The following MCC variants were observed in gnomAD, a reference collection of about 807,000 sequenced individuals.
The protein encoded by MCC is colorectal mutant cancer protein.
A neutral mutation model predicts 116.2 loss-of-function variants in MCC; 90 were observed. The ratio of observed to expected loss-of-function variants is 0.77; its 90% CI spans 0.65 to 0.92. MCC has a LOEUF of 0.92. Among genes scored for constraint, MCC ranks in the 40% least tolerant of loss-of-function variants. The pLI, the probability that MCC is intolerant of heterozygous loss-of-function variation, is 0.00. For synonymous variants in MCC, 578 were observed against 510.5 expected, an observed-to-expected ratio of 1.13 and a Z score of -1.78; for missense variants, 1,516 against 1,312.2, an observed-to-expected ratio of 1.16 and a Z score of -2.40.
At chr5:113,035,944 C>T (rs888844) in intron 17 of MCC, among the ~76,000 whole-genome samples, 106,943 of 150,480 alleles carry the variant, frequency 0.71, 38,145 homozygotes, top group East Asian at 0.79. Flanking sequence ...ATAAGGATAA[C>T]ATCATTTCAT....
chr5:113,299,628 T>TC (rs1766809039), intron 3 of MCC, among the ~76,000 whole-genome samples: 1 of 152,196 alleles, frequency 6.6e-6, no homozygotes, highest in African/African-American at 2.4e-5. Context: ...GTAAAAGGTT[T>TC]CACAATTAGA....
In MCC at chr5:113,070,803, A is replaced by C. The variant is rs1580984200; in HGVS notation, c.1925+291T>G. ...ACAATGTAAATTACATATGAACATGAATAAAGATCTGCAAGAAGAAATGAA... is the reference window on the plus strand; with the variant it reads ...ACAATGTAAATTACATATGAACATGCATAAAGATCTGCAAGAAGAAATGAA... On this transcript the variant is annotated intron_variant, in intron 12 of 18. Coordinates refer to ENST00000408903, the MANE Select transcript of MCC (RefSeq NM_001085377.2). 2.0e-5 allele frequency among the ~76,000 whole-genome samples: 3 copies of C among 152,394 alleles called. No individual in the cohort carries two copies. The South Asian group carries it at 6.2e-4, about 32-fold the overall frequency.
rs1434641528 is a variant in MCC, at chr5:113,488,358, G to T, written c.57C>A (p.Gly19=). Residue 19 remains glycine, a synonymous_variant, in exon 1 of 19, where the codon GGC becomes GGA. Transcript: ENST00000408903. ...AAGSSSSGGG[G]GGSGSSSSSS... is the part of the protein sequence containing the mutation. Reference sequence around the variant, plus strand: ...TGCTGCTGCTGCTGCCGCTGCCGCCGCCGCCGCCGCCGCTGCTGGAGCTCC... The same window carrying T: ...TGCTGCTGCTGCTGCCGCTGCCGCCTCCGCCGCCGCCGCTGCTGGAGCTCC... 1 of 1,516,344 alleles carries T rather than the reference G, an allele frequency of 6.6e-7. No homozygotes were observed. Among genetic ancestry groups the T allele is most frequent in the South Asian group, 1.3e-5 (1 of 79,814 alleles). The allele number at this position is 1,516,344 out of a possible 1,614,324, so 93.9% of individuals were successfully genotyped here.
intron 3 of MCC, among the ~76,000 whole-genome samples, chr5:113,236,613 C>T (rs1764140405): frequency 6.6e-6 from 1 of 152,108 alleles, no homozygotes; most frequent in Non-Finnish European, 1.5e-5. Flanking sequence ...TAATTGAGTG[C>T]CATTATAATG....
chr5:113,379,548 T>C (rs1769064063), intron 2 of MCC, among the ~76,000 whole-genome samples: 1 of 152,172 alleles, frequency 6.6e-6, no homozygotes. Flanking sequence ...AGTGGTGAAA[T>C]TGGGATCTAT....
At chr5:113,393,033 T>A (rs1002595704) in intron 1 of MCC, among the ~76,000 whole-genome samples, 1 of 151,520 alleles carries the variant, frequency 6.6e-6, no homozygotes, top group Admixed American at 6.6e-5. Flanking sequence ...AATCAAAGGT[T>A]TAAAAATATA....
At chr5:113,247,066 G>A (rs1327568061) in intron 3 of MCC, among the ~76,000 whole-genome samples, 2 of 152,202 alleles carry the variant, frequency 1.3e-5, no homozygotes, top group Admixed American at 6.5e-5. Flanking sequence ...AATGGTTTAT[G>A]ACAAAGGAAG....
intron 3 of MCC, among the ~76,000 whole-genome samples, chr5:113,209,187 A>C (rs1256943155): frequency 6.6e-6 from 1 of 152,222 alleles, no homozygotes; most frequent in African/African-American, 2.4e-5. Flanking sequence ...TGATGCTCTA[A>C]GCAATTCATT....
chr5:113,074,579 C>T (rs574175708), intron 11 of MCC, among the ~76,000 whole-genome samples: 52 of 149,876 alleles, frequency 3.5e-4, no homozygotes, highest in African/African-American at 1.2e-3. Flanking sequence ...TAGATAATAA[C>T]AAACTTCTCC....
At chr5:113,251,415 A>G (rs879655738) in intron 3 of MCC, among the ~76,000 whole-genome samples, 2 of 152,230 alleles carry the variant, frequency 1.3e-5, no homozygotes, top group Non-Finnish European at 2.9e-5. Context: ...AGATACAGAC[A>G]GCTTTTCTGA....
intron 3 of MCC, among the ~76,000 whole-genome samples, chr5:113,209,859 CAAACA>C (rs1342122219): frequency 6.6e-6 from 1 of 151,746 alleles, no homozygotes; most frequent in Non-Finnish European, 1.5e-5. Flanking sequence ...AACAAACAAA[CAAACA>C]AAAGCAAAAC....
At chr5:113,150,971 G>A (rs2150291063) in intron 4 of MCC, among the ~76,000 whole-genome samples, 2 of 152,330 alleles carry the variant, frequency 1.3e-5, no homozygotes, top group East Asian at 3.9e-4. Flanking sequence ...TTGAGCCTGG[G>A]AAGTTGAGGC....
intron 1 of MCC, among the ~76,000 whole-genome samples, chr5:113,487,205 T>C (rs1393860725): frequency 6.6e-6 from 1 of 151,982 alleles, no homozygotes; most frequent in African/African-American, 2.4e-5. Flanking sequence ...TCTTTTTTTT[T>C]TTTTTAGGTA....
intron 17 of MCC, among the ~76,000 whole-genome samples, chr5:113,032,918 C>T (rs949131244): frequency 6.6e-6 from 1 of 152,208 alleles, no homozygotes; most frequent in Non-Finnish European, 1.5e-5. Flanking sequence ...GGAAGTTACC[C>T]TATAACGTCT....
chr5:113,394,183 G>A lies in MCC; in HGVS notation c.171-8971C>T, dbSNP rs371155920. Among the ~76,000 whole-genome samples the A allele has an allele frequency of 4.3e-4, 65 of 152,040 alleles. 4 individuals carry two copies. The highest frequency in any genetic ancestry group is 9.2e-4 in the Admixed American group (14 of 15,268). On this transcript the variant is annotated intron_variant, in intron 1 of 18. Coordinates refer to ENST00000408903, the MANE Select transcript of MCC (RefSeq NM_001085377.2). ...TCCAGTCACCCATGCTGGAAATCTA[G>A]AAGTTATCTAGGATGTTTCTTTCTT...
intron 3 of MCC, among the ~76,000 whole-genome samples, chr5:113,216,700 T>C (rs1164045909): frequency 6.6e-6 from 1 of 152,228 alleles, no homozygotes; most frequent in African/African-American, 2.4e-5. Context: ...GTCATTCAAC[T>C]GATGAAATTT....
intron 1 of MCC, among the ~76,000 whole-genome samples, chr5:113,472,576 A>G (rs1772123102): frequency 6.6e-6 from 1 of 152,234 alleles, no homozygotes; most frequent in Non-Finnish European, 1.5e-5. Context: ...ATATTCTTAA[A>G]TTTGTTCTGC....
At chr5:113,471,462 G>A (rs986632416) in intron 1 of MCC, among the ~76,000 whole-genome samples, 26 of 152,088 alleles carry the variant, frequency 1.7e-4, no homozygotes, top group Non-Finnish European at 2.1e-4. Context: ...CCTGGGTATC[G>A]GCAGCGGTGG....
chr5:113,162,702 T>C (rs915871459), intron 3 of MCC, among the ~76,000 whole-genome samples: 6 of 152,124 alleles, frequency 3.9e-5, no homozygotes, highest in African/African-American at 9.7e-5. Context: ...TATCACCATG[T>C]TGCCCAGGCT....
Sources: gnomAD v4.1 joint callset for allele counts (sites outside exome capture counted in the v4.1 genomes callset) on GRCh38, gnomAD v4.1.1 for gene constraint, MANE v1.5 for transcripts, NCBI Gene and HGNC (gene_info 2026-07-23, HGNC 2026-07-21) for gene names.